Variants in MARF1 observed in about 807,000 individuals in gnomAD.
MARF1 encodes limkain-b1.
A neutral mutation model predicts 168.2 loss-of-function variants in MARF1; 24 were observed. The observed-to-expected ratio is 0.14, with a 90% confidence interval of 0.10 to 0.20. MARF1 has a LOEUF of 0.20. Among genes scored for constraint, MARF1 ranks in the 10% least tolerant of loss-of-function variants. The pLI is 1.00. For synonymous variants in MARF1, 868 were observed against 822.4 expected (o/e 1.06, Z -0.95); for missense variants, 1,744 against 2,143.6 (o/e 0.81, Z 3.68).
At chr16:15,597,605 C>T (rs1453631943) in intron 26 of MARF1, among the ~76,000 whole-genome samples, 1 of 152,208 alleles carries the variant, frequency 6.6e-6, no homozygotes, top group African/African-American at 2.4e-5. Flanking sequence ...CTGCATAGGG[C>T]ACAGGGCTCC....
chr16:15,641,468 C>A (rs1232217164), intron 1 of MARF1, among the ~76,000 whole-genome samples: 2 of 152,196 alleles, frequency 1.3e-5, no homozygotes, highest in Non-Finnish European at 2.9e-5. Flanking sequence ...TTCTTCAAAG[C>A]CAAATCCTGA....
At chr16:15,609,164 C>T (rs559297456) in intron 20 of MARF1, among the ~76,000 whole-genome samples, 6 of 152,128 alleles carry the variant, frequency 3.9e-5, no homozygotes, top group South Asian at 2.1e-4. Context: ...TGCTTGAACC[C>T]GCAGGCGGAG....
rs898224613 is a variant in MARF1 at position 15,600,327 on chromosome 16, T to C, written c.4813+101A>G. On this transcript the variant is annotated intron_variant, in intron 25 of 26. Coordinates refer to ENST00000396368, the MANE Select transcript of MARF1 (RefSeq NM_014647.4). ...TGTGTGGCTATGTAACTTCAGCAGA[T>C]TGGATGACTTGCTGGAGTCCTTTCC... 6.1e-6 allele frequency: 9 copies of C among 1,480,742 alleles called. No homozygotes were observed. The African/African-American group carries it at 9.8e-5, about 16-fold the overall frequency. 91.7% of individuals were successfully genotyped at this position (1,480,742 alleles called of 1,614,324 possible).
chr16:15,616,460 C>A (rs1368023421), intron 15 of MARF1, among the ~76,000 whole-genome samples: 2 of 152,190 alleles, frequency 1.3e-5, no homozygotes. Flanking sequence ...TCGACTGCAG[C>A]ACTTATGATA....
intron 22 of MARF1, chr16:15,602,623 A>AGGCAGAG (rs1555520449): frequency 2.2e-6 from 1 of 455,158 alleles, no homozygotes; most frequent in Non-Finnish European, 4.4e-6. Flanking sequence ...GAGGAGGAGG[A>AGGCAGAG]AGGAAAGAAG....
At chr16:15,624,651 G>C (rs2034708247) in intron 10 of MARF1, 118 bp downstream of exon 10, 24 of 928,234 alleles carry the variant, frequency 2.6e-5, no homozygotes, top group Non-Finnish European at 4.0e-5. Context: ...GCAGAAGAGT[G>C]ATGGGAGACT....
intron 6 of MARF1, among the ~76,000 whole-genome samples, 199 bp from the exon 7 acceptor site, chr16:15,630,703 A>G (rs1036828413): frequency 5.9e-5 from 9 of 152,300 alleles, no homozygotes; most frequent in Non-Finnish European, 1.3e-4. Flanking sequence ...TCCAAGACAC[A>G]TATGTTACTT....
At chr16:15,618,484 G>A (rs915166925) in intron 13 of MARF1, among the ~76,000 whole-genome samples, 1 of 152,096 alleles carries the variant, frequency 6.6e-6, no homozygotes, top group African/African-American at 2.4e-5. Flanking sequence ...TTTAGCCACA[G>A]GACTCTGTAG....
intron 7 of MARF1, among the ~76,000 whole-genome samples, chr16:15,627,733 G>C (rs1368612468): frequency 6.6e-6 from 1 of 152,064 alleles, no homozygotes; most frequent in Non-Finnish European, 1.5e-5. Flanking sequence ...ACTAACAACA[G>C]GCAAAGGATG....
In MARF1 at chr16:15,630,414, G is replaced by A. The variant is rs2035170516; in HGVS notation, c.1442C>T (p.Ala481Val). The change falls in exon 7 of 27, where the codon GCA becomes GTA. Residue 481 changes from alanine (A) to valine (V), a missense_variant. Transcript: ENST00000396368. ...ILVHKNQASE[A>V]LLHHANELIR... ...CAGCTCGTTAGCATGATGCAGCAGT[G>A]CTTCTGAGGCCTGGTTTTTATGGAC... 1.2e-6 allele frequency: 2 copies of A among 1,613,950 alleles called. No individual in the cohort carries two copies. The highest frequency in any genetic ancestry group is 2.2e-5 in the East Asian group (1 of 44,884).
chr16:15,597,904 G>A (rs2031918442), intron 26 of MARF1, among the ~76,000 whole-genome samples: 1 of 151,802 alleles, frequency 6.6e-6, no homozygotes, highest in Admixed American at 6.5e-5. Context: ...TCCGCAGGCA[G>A]TTACTTCCCC....
At chr16:15,642,273 CT>C (rs2036046085) in intron 1 of MARF1, among the ~76,000 whole-genome samples, 1 of 152,166 alleles carries the variant, frequency 6.6e-6, no homozygotes, top group Admixed American at 6.5e-5. Context: ...TATTATCTTT[CT>C]CCCCCATTAG....
At chr16:15,607,656 G>A (rs547901930) in intron 21 of MARF1, among the ~76,000 whole-genome samples, 1 of 152,354 alleles carries the variant, frequency 6.6e-6, no homozygotes, top group African/African-American at 2.4e-5. Context: ...CTGTAACTGA[G>A]GGTGCCGTCC....
intron 10 of MARF1, among the ~76,000 whole-genome samples, chr16:15,623,366 A>AC (rs1420059652): frequency 1.6e-5 from 2 of 128,598 alleles, no homozygotes; most frequent in African/African-American, 3.1e-5. Context: ...TGCAACCTCC[A>AC]CCTCCTGGAT....
In MARF1 at chr16:15,596,862, G is replaced by A. The variant is rs2031759277; in HGVS notation, c.5060C>T (p.Ser1687Phe). ...PGKSKTLTSD[S>F]SSSCISAAVP... ...AGCTGCTGAGATGCAGGACGAGCTG[G>A]AGTCAGAGGTCAGAGTTTTGCTCTT... is the stretch of plus-strand genomic sequence containing the variant. Residue 1687 changes from serine to phenylalanine, a missense_variant, in exon 27 of 27, where the codon TCC becomes TTC. Transcript: ENST00000396368. 1 of 1,614,022 alleles carries A rather than the reference G, an allele frequency of 6.2e-7. No homozygotes were observed. Among genetic ancestry groups the A allele is most frequent in the Admixed American group, 1.7e-5 (1 of 60,008 alleles).
At chr16:15,597,943 A>G (rs1325948646) in intron 26 of MARF1, among the ~76,000 whole-genome samples, 1 of 152,148 alleles carries the variant, frequency 6.6e-6, no homozygotes, top group Non-Finnish European at 1.5e-5. Flanking sequence ...CAACAGCCTC[A>G]GTTCTTTTCC....
intron 14 of MARF1, 21 bp from the exon 15 acceptor site, chr16:15,617,192 T>C: frequency 6.2e-7 from 1 of 1,613,238 alleles, no homozygotes; most frequent in Non-Finnish European, 8.5e-7. Flanking sequence ...GAGAACACAA[T>C]TGGAAGCTGA....
At chr16:15,615,589 C>T (rs888677087) in intron 16 of MARF1, among the ~76,000 whole-genome samples, 1 of 152,146 alleles carries the variant, frequency 6.6e-6, no homozygotes, top group Non-Finnish European at 1.5e-5. Context: ...CGCACCACTG[C>T]ACTCCAGCTA....
intron 20 of MARF1, 102 bp downstream of exon 20, chr16:15,609,421 G>C (rs954326955): frequency 1.1e-6 from 1 of 903,556 alleles, no homozygotes; most frequent in African/African-American, 1.7e-5. Flanking sequence ...ATCCTCTTTC[G>C]TAACTCCCTA....
Sources: allele counts gnomAD v4.1 joint callset (sites outside exome capture counted in the v4.1 genomes callset), GRCh38; gene constraint gnomAD v4.1.1; transcripts MANE v1.5; gene names NCBI Gene and HGNC (gene_info 2026-07-23, HGNC 2026-07-21).